The following TRIM36 variants were observed in gnomAD, a reference collection of about 807,000 sequenced individuals.
The protein encoded by TRIM36 is tripartite motif containing 36, also known as E3 ubiquitin-protein ligase TRIM36.
Under a neutral mutation model 72.4 loss-of-function variants are expected in TRIM36, and 42 were observed. The ratio of observed to expected loss-of-function variants is 0.58; its 90% CI spans 0.45 to 0.75. TRIM36 has a LOEUF of 0.75. Ranked by LOEUF, TRIM36 falls within the 30% of genes least tolerant of loss-of-function variation. The probability of loss-of-function intolerance (pLI) is 0.00; values close to 1 mark genes in which losing one functional copy is unlikely to be tolerated. For synonymous variants in TRIM36, 315 were observed against 282.8 expected, an observed-to-expected ratio of 1.11 and a Z score of -1.14; for missense variants, 913 against 857.1, an observed-to-expected ratio of 1.07 and a Z score of -0.81.
chr5:115,171,239 G>C, upstream of TRIM36: 1 of 1,613,970 alleles, frequency 6.2e-7, no homozygotes, highest in African/African-American at 1.3e-5. Context: ...AAGGAGTGTA[G>C]AATTAAAAAC....
upstream of TRIM36, among the ~76,000 whole-genome samples, chr5:115,170,602 G>A (rs1209679216): frequency 1.4e-4 from 22 of 152,214 alleles, no homozygotes. Flanking sequence ...AATAGTCCCT[G>A]ACTGGGCACC....
At position 115,126,570 on chromosome 5, in the gene TRIM36, C is replaced by A; in HGVS notation, c.2084G>T (p.Gly695Val). 6.2e-7 allele frequency: 1 copy of A among 1,613,804 alleles called. No homozygotes were observed. The highest frequency in any genetic ancestry group is 8.5e-7 in the Non-Finnish European group (1 of 1,179,742). The change falls in exon 10 of 10, where the codon GGC becomes GTC. Residue 695 changes from glycine (G) to valine (V), a missense_variant. Physicochemically the swap from Gly to Val is moderately radical, Grantham distance 109. Transcript: ENST00000513154. Reference protein sequence around the residue: ...HTLYPAFALMGSGGIQLEEPI... With the variant: ...HTLYPAFALMVSGGIQLEEPI... ...TTCTTCAAGCTGAATTCCTCCACTG[C>A]CCATTAATGCAAATGCTGGATACAG...
intron 2 of TRIM36, among the ~76,000 whole-genome samples, chr5:115,152,062 A>T (rs1489081954): frequency 6.6e-6 from 1 of 152,234 alleles, no homozygotes. Context: ...GAAGGTTACT[A>T]AGCTAATCGA....
intron 9 of TRIM36, among the ~76,000 whole-genome samples, chr5:115,127,398 T>C (rs967025162): frequency 5.9e-5 from 9 of 152,128 alleles, no homozygotes; most frequent in African/African-American, 2.2e-4. Flanking sequence ...ATATCTCTAC[T>C]AAAAATCCAA....
intron 8 of TRIM36, 61 bp downstream of exon 8, chr5:115,133,799 A>G (rs1286544360): frequency 6.7e-7 from 1 of 1,496,252 alleles, no homozygotes. Context: ...TGACTAGTTT[A>G]TTTTATCAAG....
At chr5:115,159,617 C>T (rs553035760) in intron 2 of TRIM36, 13 of 452,802 alleles carry the variant, frequency 2.9e-5, no homozygotes, top group African/African-American at 6.0e-5. Context: ...CCTGCGGCCA[C>T]AAAAGCAATA....
intron 7 of TRIM36, among the ~76,000 whole-genome samples, chr5:115,135,021 G>A (rs973126386): frequency 6.6e-6 from 1 of 151,908 alleles, no homozygotes; most frequent in Non-Finnish European, 1.5e-5. Context: ...TATAGATCTC[G>A]CCAGTATTTT....
In TRIM36 at chr5:115,177,523, G is replaced by A. The variant is rs925319079; in HGVS notation, c.63+2452C>T. 5.2e-6 allele frequency: 7 copies of A among 1,341,846 alleles called. No homozygotes were observed. In the Admixed American group the frequency reaches 2.1e-4, roughly 41 times the overall value. The allele number at this position is 1,341,846 out of a possible 1,614,324, so 83.1% of individuals were successfully genotyped here. A position where few individuals can be genotyped will look rare whatever the true frequency, so the allele number is the denominator to read the frequency against. On this transcript the variant is annotated intron_variant, in intron 1 of 9. Coordinates refer to the TRIM36 transcript ENST00000282369. ...AACCCCACAGAGGAAAATAAAGCAAGTCAGTCTCAAAGGTCTGCTATTCCA... is the reference window on the plus strand; with the variant it reads ...AACCCCACAGAGGAAAATAAAGCAAATCAGTCTCAAAGGTCTGCTATTCCA...
In TRIM36 at chr5:115,126,367, T is replaced by G; in HGVS notation, c.*136A>C. 1 of 669,848 alleles carries G rather than the reference T, an allele frequency of 1.5e-6. No individual in the cohort carries two copies. 41.5% of individuals were successfully genotyped at this position (669,848 alleles called of 1,614,324 possible). Reference sequence around the variant, plus strand: ...AAGACACAAGGCTGTTTAGATTTTCTGTATTTCAAGAAGAATCATACTCAA... The same window carrying G: ...AAGACACAAGGCTGTTTAGATTTTCGGTATTTCAAGAAGAATCATACTCAA... On this transcript the variant is annotated 3_prime_UTR_variant, in exon 10 of 10. Transcript: ENST00000513154.
At chr5:115,140,270 C>A (rs1753206478) in intron 5 of TRIM36, among the ~76,000 whole-genome samples, 1 of 152,088 alleles carries the variant, frequency 6.6e-6, no homozygotes, top group Non-Finnish European at 1.5e-5. Flanking sequence ...TACTAAAAAT[C>A]AGGAGTAATG....
chr5:115,139,536 C>A (rs928043133), intron 5 of TRIM36, among the ~76,000 whole-genome samples: 4 of 152,212 alleles, frequency 2.6e-5, no homozygotes, highest in African/African-American at 7.2e-5. Flanking sequence ...TGTTTCCTAA[C>A]CCCGACAGCC....
At chr5:115,149,156 A>T (rs940835701) in intron 2 of TRIM36, 1 of 152,208 alleles carries the variant, frequency 6.6e-6, no homozygotes, top group Non-Finnish European at 1.5e-5. Flanking sequence ...TGAAAATCCT[A>T]AAATATATTC....
chr5:115,162,762 T>C (rs904586700), intron 2 of TRIM36, among the ~76,000 whole-genome samples: 26 of 152,104 alleles, frequency 1.7e-4, no homozygotes, highest in Non-Finnish European at 3.4e-4. Flanking sequence ...CTTTCCCTCC[T>C]CAGTGCGCCA....
Position 115,162,014 on chromosome 5 carries a change from G to A in TRIM36, c.262+1504C>T, listed in dbSNP as rs1020578236. On this transcript the variant is annotated intron_variant, in intron 2 of 9. Transcript: ENST00000513154. ...CAGCCTTAGTGGGGTGTGTGTGCGC[G>A]TGTGTCTTCTTTCATGCTAAGTTAA... Among the ~76,000 whole-genome samples the A allele has an allele frequency of 3.3e-5, 5 of 152,106 alleles. No homozygotes were observed. In the East Asian group the frequency reaches 9.6e-4, roughly 29 times the overall value.
chr5:115,130,911 T>C (rs772260665), intron 8 of TRIM36, 22 bp from the exon 9 acceptor site: 1 of 1,589,254 alleles, frequency 6.3e-7, no homozygotes, highest in East Asian at 2.2e-5. Context: ...TTAAAATTAA[T>C]ATCAGGCTAA....
At chr5:115,173,372 G>A (rs771662874), upstream of TRIM36, among the ~76,000 whole-genome samples, 1 of 152,112 alleles carries the variant, frequency 6.6e-6, no homozygotes, top group Non-Finnish European at 1.5e-5. Context: ...TAGCCTATAA[G>A]TTGAGTATTT....
At chr5:115,177,741 G>A in intron 1 of TRIM36, 2 of 1,614,102 alleles carry the variant, frequency 1.2e-6, no homozygotes, top group Non-Finnish European at 1.7e-6. Context: ...AACAGAGAGA[G>A]GAATTGTCCT....
chr5:115,136,877 G>T, intron 7 of TRIM36, 123 bp downstream of exon 7: 1 of 884,546 alleles, frequency 1.1e-6, no homozygotes, highest in Non-Finnish European at 1.6e-6. Flanking sequence ...TCAGGATGCT[G>T]TGATAGTCCT....
At chr5:115,130,343 C>T (rs1207334410) in intron 9 of TRIM36, among the ~76,000 whole-genome samples, 1 of 152,154 alleles carries the variant, frequency 6.6e-6, no homozygotes, top group African/African-American at 2.4e-5. Context: ...AAATTTAAAA[C>T]TGTGAAGCTA....
Sources: allele counts gnomAD v4.1 joint callset (sites outside exome capture counted in the v4.1 genomes callset), GRCh38; gene constraint gnomAD v4.1.1; transcripts MANE v1.5; gene names NCBI Gene and HGNC (gene_info 2026-07-23, HGNC 2026-07-21).